Variants in MIA2 observed in about 807,000 individuals in gnomAD.
MIA2 encodes MIA SH3 domain ER export factor 2.
In MIA2, 127 loss-of-function variants were observed where a neutral mutation model predicts 167.8. The ratio of observed to expected loss-of-function variants is 0.76; its 90% CI spans 0.66 to 0.88. The LOEUF is 0.88. Among genes scored for constraint, MIA2 ranks in the 40% least tolerant of loss-of-function variants. The pLI is 0.00. For missense variants in MIA2, 1,690 were observed against 1,624.7 expected, an observed-to-expected ratio of 1.04 and a Z score of -0.69; for synonymous variants, 552 against 541.9, an observed-to-expected ratio of 1.02 and a Z score of -0.26.
intron 2 of MIA2, among the ~76,000 whole-genome samples, chr14:39,237,800 C>T (rs930373495): frequency 2.6e-5 from 4 of 152,142 alleles, no homozygotes; most frequent in African/African-American, 4.8e-5. Flanking sequence ...AGTGCAGTGG[C>T]GCGATCTCTG....
Position 39,291,132 on chromosome 14 carries a change from GA to G in MIA2, c.2208+43del, listed in dbSNP as rs754953254. ...AAATGGTATAATTTTAAAAGCTGGG[GA>G]AAAAAATACTAAGTAACAAAAACTT... On this transcript the variant is annotated intron_variant, in intron 10 of 28. Transcript: ENST00000640607. 165 of 1,541,308 alleles carry G rather than the reference GA, an allele frequency of 1.1e-4. No individual in the cohort carries two copies. In the Admixed American group the frequency reaches 2.6e-3, roughly 24 times the overall value.
At position 39,288,461 on chromosome 14, in the gene MIA2, A is replaced by ATTT. The variant is rs1225086664; in HGVS notation, c.2131-2557_2131-2556insTTT. On this transcript the variant is annotated intron_variant, in intron 9 of 28. Coordinates refer to ENST00000640607, the MANE Select transcript of MIA2 (RefSeq NM_001329214.4). ...TATATATATATATATATATATATAT[A>ATTT]TATATATATATATATTTTTTTTTTT... Among the ~76,000 whole-genome samples, 19 of 19,884 alleles carry ATTT rather than the reference A, an allele frequency of 9.6e-4. 1 individual carries two copies. Among genetic ancestry groups the ATTT allele is most frequent in the East Asian group, 1.4e-3 (1 of 696 alleles). 13.0% of individuals were successfully genotyped at this position (19,884 alleles called of 152,430 possible).
intron 23 of MIA2, among the ~76,000 whole-genome samples, chr14:39,370,025 TCAGA>T (rs776735586): frequency 6.6e-6 from 1 of 152,194 alleles, no homozygotes; most frequent in Non-Finnish European, 1.5e-5. Flanking sequence ...AGCTCCTGAA[TCAGA>T]CAAAGAATAA....
chr14:39,316,994 G>A lies in MIA2; in HGVS notation c.3217-950G>A, dbSNP rs577837545. ...TTCCACATCCCTCCCTCACCGCTGC[G>A]TATTTAGTGAAGTCTTCTAAGGTAG... On this transcript the variant is annotated intron_variant, in intron 21 of 28. Coordinates refer to ENST00000640607, the MANE Select transcript of MIA2 (RefSeq NM_001329214.4). Among the ~76,000 whole-genome samples the A allele has an allele frequency of 5.6e-4, 85 of 152,254 alleles. No homozygotes were observed. The Middle Eastern group carries it at 0.014, about 24-fold the overall frequency.
chr14:39,270,076 A>G (rs1392310065), intron 6 of MIA2, among the ~76,000 whole-genome samples: 1 of 151,968 alleles, frequency 6.6e-6, no homozygotes, highest in Non-Finnish European at 1.5e-5. Flanking sequence ...TTACATCCCC[A>G]CCAGCAGTTT....
chr14:39,294,124 A>G lies in MIA2; in HGVS notation c.2391+53A>G, dbSNP rs545180379. Reference sequence around the variant, plus strand: ...TTGCTTTTGGAAATAATTTTAGTTTAATTTTTTAAAATTAAGAAATAAGAC... The same window carrying G: ...TTGCTTTTGGAAATAATTTTAGTTTGATTTTTTAAAATTAAGAAATAAGAC... On this transcript the variant is annotated intron_variant, in intron 12 of 28. Transcript: ENST00000640607. 1.5e-4 allele frequency: 194 copies of G among 1,261,476 alleles called. 9 individuals are homozygous for G. In the South Asian group the frequency reaches 2.5e-3, roughly 16 times the overall value. The allele number at this position is 1,261,476 out of a possible 1,614,324, so 78.1% of individuals were successfully genotyped here. A position where few individuals can be genotyped will look rare whatever the true frequency, so the allele number is the denominator to read the frequency against.
intron 23 of MIA2, 74 bp from the exon 24 acceptor site, chr14:39,320,854 C>T (rs1223479334): frequency 2.4e-5 from 36 of 1,505,026 alleles, no homozygotes; most frequent in East Asian, 1.1e-4. Flanking sequence ...TGGTAATTGT[C>T]GAAATGGGAT....
At chr14:39,347,957 C>A (rs758134589) in intron 27 of MIA2, among the ~76,000 whole-genome samples, 186 bp downstream of exon 27, 1 of 151,558 alleles carries the variant, frequency 6.6e-6, no homozygotes, top group African/African-American at 2.4e-5. Context: ...GGACTACAGG[C>A]GTGTGCCACC....
At position 39,253,152 on chromosome 14, in the gene MIA2, T is replaced by C. The variant is rs765272789; in HGVS notation, c.1868T>C (p.Ile623Thr). The change falls in exon 6 of 29, where the codon ATT becomes ACT. Residue 623 changes from isoleucine (I) to threonine (T), a missense_variant. By Grantham distance (89) the Ile-to-Thr change is moderately conservative. Transcript: ENST00000640607. The part of the protein sequence containing the change: ...YDFMNSAFSP[I>T]VILTERVVAA... ...TTCATGAATTCTGCATTTTCACCAA[T>C]TGTAATTCTTACAGAAAGGGTAAGT... is the stretch of plus-strand genomic sequence containing the variant. 7 of 1,608,430 alleles carry C rather than the reference T, an allele frequency of 4.4e-6. No homozygotes were observed. In the East Asian group the frequency reaches 1.6e-4, roughly 36 times the overall value.
At chr14:39,276,645 C>T in intron 6 of MIA2, 1 of 307,340 alleles carries the variant, frequency 3.3e-6, no homozygotes, top group South Asian at 3.6e-5. Flanking sequence ...AGTACCTGAA[C>T]CCTAGGTCAC....
intron 23 of MIA2, chr14:39,386,770 G>T: frequency 1.5e-6 from 2 of 1,310,418 alleles, no homozygotes; most frequent in Middle Eastern, 2.0e-4. Context: ...TGAAATGCCC[G>T]CTTCTTTGCT....
chr14:39,346,685 ATGT>A (rs1450791136), intron 26 of MIA2, among the ~76,000 whole-genome samples: 5 of 148,370 alleles, frequency 3.4e-5, no homozygotes, highest in African/African-American at 1.2e-4. Flanking sequence ...ATAATAAATA[ATGT>A]TATATATATA....
chr14:39,273,052 T>C (rs2057405560), intron 6 of MIA2, among the ~76,000 whole-genome samples: 2 of 152,184 alleles, frequency 1.3e-5, no homozygotes, highest in African/African-American at 4.8e-5. Flanking sequence ...TATAGGTTCT[T>C]TAGGATTTTC....
intron 25 of MIA2, among the ~76,000 whole-genome samples, chr14:39,333,440 G>C (rs573083436): frequency 2.6e-5 from 4 of 152,322 alleles, no homozygotes; most frequent in African/African-American, 9.6e-5. Flanking sequence ...GTCAGCCATA[G>C]ACTTGGGCAG....
At chr14:39,384,496 T>A (rs1325723857) in intron 23 of MIA2, among the ~76,000 whole-genome samples, 2 of 152,092 alleles carry the variant, frequency 1.3e-5, no homozygotes, top group Admixed American at 6.6e-5. Flanking sequence ...GACTTTCAAG[T>A]CTTATTTTTT....
At position 39,234,134 on chromosome 14, in the gene MIA2, A is replaced by C; in HGVS notation, c.20A>C (p.His7Pro). 1.2e-6 allele frequency: 2 copies of C among 1,605,280 alleles called. No homozygotes were observed. The highest frequency in any genetic ancestry group is 1.7e-6 in the Non-Finnish European group (2 of 1,176,666). The change falls in exon 1 of 29, where the codon CAC becomes CCC. Residue 7 changes from histidine to proline, a missense_variant. Coordinates refer to ENST00000640607, the MANE Select transcript of MIA2 (RefSeq NM_001329214.4). MAKFGV[H>P]RILLLAISLT... ...TTTAGCATGGCAAAATTTGGCGTTC[A>C]CAGAATCCTTCTTCTGGCTATTTCT...
intron 23 of MIA2, among the ~76,000 whole-genome samples, chr14:39,359,054 G>T (rs932049767): frequency 1.3e-5 from 2 of 152,138 alleles, no homozygotes; most frequent in African/African-American, 4.8e-5. Context: ...CTGCATGCTG[G>T]GAGAACCACT....
chr14:39,242,236 C>A (rs2054076190), intron 3 of MIA2, among the ~76,000 whole-genome samples: 1 of 151,960 alleles, frequency 6.6e-6, no homozygotes, highest in South Asian at 2.1e-4. Flanking sequence ...AAAACCAGTG[C>A]CTTGGAGAGG....
rs548745503 is a variant in MIA2, at chr14:39,385,312, C to G, written c.2249-1573C>G. The G allele has an allele frequency of 6.3e-5, 45 of 711,042 alleles. No homozygotes were observed. In the East Asian group the frequency reaches 1.1e-3, roughly 18 times the overall value. The allele number at this position is 711,042 out of a possible 1,614,324, so 44.0% of individuals were successfully genotyped here. On this transcript the variant is annotated intron_variant, in intron 23 of 23. Transcript: ENST00000341502. ...GATAACAAAAAAATCCACACAACTT[C>G]CAAATCCTCTTTAAAAAAAAAAGTT... is the stretch of plus-strand genomic sequence containing the variant.
Sources: gnomAD v4.1 joint callset for allele counts (sites outside exome capture counted in the v4.1 genomes callset) on GRCh38, gnomAD v4.1.1 for gene constraint, MANE v1.5 for transcripts, NCBI Gene and HGNC (gene_info 2026-07-23, HGNC 2026-07-21) for gene names.